DTNB: variants seen among roughly 807,000 people sequenced by gnomAD.
DTNB encodes DTN-B.
In DTNB, 63 loss-of-function variants were observed where a neutral mutation model predicts 90.7. The ratio of observed to expected loss-of-function variants is 0.69; its 90% CI spans 0.57 to 0.86. The LOEUF is 0.86. Among genes scored for constraint, DTNB ranks in the 40% least tolerant of loss-of-function variants. The pLI is 0.00. For synonymous variants in DTNB, 277 were observed against 286.7 expected, an observed-to-expected ratio of 0.97 and a Z score of 0.34; for missense variants, 744 against 807.1, an observed-to-expected ratio of 0.92 and a Z score of 0.95.
chr2:25,454,290 A>G (rs773399790), intron 11 of DTNB, among the ~76,000 whole-genome samples: 6 of 152,212 alleles, frequency 3.9e-5, no homozygotes, highest in Non-Finnish European at 7.4e-5. Flanking sequence ...AGTCTTTTTC[A>G]TATGTATATT....
intron 1 of DTNB, among the ~76,000 whole-genome samples, chr2:25,667,597 T>C (rs2084776358): frequency 6.6e-6 from 1 of 152,228 alleles, no homozygotes; most frequent in African/African-American, 2.4e-5. Flanking sequence ...AGTTTAACTT[T>C]ACAGAACAGT....
chr2:25,639,669 C>T (rs1309858706), intron 2 of DTNB, among the ~76,000 whole-genome samples: 2 of 152,124 alleles, frequency 1.3e-5, no homozygotes, highest in African/African-American at 4.8e-5. Flanking sequence ...TATGTTGTCC[C>T]TCTCCATCAA....
chr2:25,614,644 A>G (rs772671415), intron 4 of DTNB, among the ~76,000 whole-genome samples: 23 of 152,260 alleles, frequency 1.5e-4, no homozygotes, highest in Non-Finnish European at 2.9e-4. Flanking sequence ...AAAAAGATTT[A>G]GAGAGATATA....
At chr2:25,384,158 T>C (rs1007338070) in intron 18 of DTNB, among the ~76,000 whole-genome samples, 2 of 152,196 alleles carry the variant, frequency 1.3e-5, no homozygotes, top group East Asian at 1.9e-4. Context: ...GCGTGCAGTG[T>C]GGGGTTGCGT....
intron 16 of DTNB, among the ~76,000 whole-genome samples, chr2:25,392,935 A>G (rs1184631034): frequency 6.6e-6 from 1 of 152,218 alleles, no homozygotes; most frequent in Non-Finnish European, 1.5e-5. Context: ...AGGGAAGGAC[A>G]TAACAAAACA....
intron 2 of DTNB, among the ~76,000 whole-genome samples, chr2:25,649,016 T>C (rs1559380907): frequency 8.1e-6 from 1 of 123,346 alleles, no homozygotes; most frequent in East Asian, 3.8e-4. Context: ...TTTTTTTTTT[T>C]TTTTTTGAGA....
intron 8 of DTNB, among the ~76,000 whole-genome samples, chr2:25,564,816 T>A (rs150811071): frequency 6.6e-6 from 1 of 152,252 alleles, no homozygotes; most frequent in African/African-American, 2.4e-5. Context: ...CATTTTCAGA[T>A]TGTTCATTGT....
intron 3 of DTNB, among the ~76,000 whole-genome samples, chr2:25,634,235 TG>T (rs1203235630): frequency 1.1e-5 from 1 of 88,594 alleles, no homozygotes; most frequent in Non-Finnish European, 2.4e-5. Flanking sequence ...GGGAGGGAGG[TG>T]GGGGGGTCAG....
chr2:25,403,796 AGTTT>A (rs746609122), intron 16 of DTNB, among the ~76,000 whole-genome samples: 4 of 152,024 alleles, frequency 2.6e-5, no homozygotes, highest in Admixed American at 1.3e-4. Context: ...GGATAAACCT[AGTTT>A]GTTTGTTTGT....
chr2:25,640,925 G>A (rs891338649), intron 2 of DTNB, among the ~76,000 whole-genome samples: 7 of 152,276 alleles, frequency 4.6e-5, no homozygotes, highest in East Asian at 1.9e-4. Context: ...AGAATGGCAC[G>A]AACCCGGGAG....
intron 10 of DTNB, among the ~76,000 whole-genome samples, chr2:25,463,458 A>G (rs188103832): frequency 3.9e-5 from 6 of 152,274 alleles, no homozygotes; most frequent in Non-Finnish European, 2.9e-5. Context: ...TCTACAGTTG[A>G]TTCTCCACGC....
At chr2:25,515,572 C>CATTTATTTATTT (rs60019416) in intron 9 of DTNB, among the ~76,000 whole-genome samples, 2 of 150,058 alleles carry the variant, frequency 1.3e-5, no homozygotes, top group Non-Finnish European at 3.0e-5. Flanking sequence ...GATATCCATG[C>CATTTATTTATTT]ATTTATTTAT....
intron 1 of DTNB, among the ~76,000 whole-genome samples, chr2:25,667,885 G>C (rs530750482): frequency 2.1e-4 from 32 of 152,246 alleles, no homozygotes; most frequent in African/African-American, 7.7e-4. Context: ...CCTTCAGTAG[G>C]TGAACGAATA....
chr2:25,419,166 G>A, intron 16 of DTNB: 1 of 370,552 alleles, frequency 2.7e-6, no homozygotes, highest in Non-Finnish European at 5.0e-6. Flanking sequence ...GGTCACCCCA[G>A]CACCCTGAAA....
At chr2:25,556,960 CA>C (rs1303411518) in intron 8 of DTNB, among the ~76,000 whole-genome samples, 1 of 152,120 alleles carries the variant, frequency 6.6e-6, no homozygotes, top group East Asian at 1.9e-4. Context: ...TAAAAGCTTT[CA>C]AAACATTACT....
At chr2:25,563,960 C>T (rs368920962) in intron 8 of DTNB, among the ~76,000 whole-genome samples, 4 of 151,954 alleles carry the variant, frequency 2.6e-5, no homozygotes, top group African/African-American at 7.3e-5. Context: ...TGCAGTGGTG[C>T]GTGCGATCTC....
At chr2:25,471,071 T>C (rs989331927) in intron 10 of DTNB, among the ~76,000 whole-genome samples, 1 of 152,172 alleles carries the variant, frequency 6.6e-6, no homozygotes, top group Non-Finnish European at 1.5e-5. Context: ...ATCAACTCTG[T>C]TTAGGGGAAA....
At chr2:25,585,962 A>C (rs2062321621) in intron 6 of DTNB, among the ~76,000 whole-genome samples, 1 of 152,214 alleles carries the variant, frequency 6.6e-6, no homozygotes, top group Non-Finnish European at 1.5e-5. Context: ...ATTTATAATG[A>C]CAAAATAATA....
chr2:25,506,358 G>GT (rs949969687), intron 9 of DTNB, among the ~76,000 whole-genome samples: 121 of 149,240 alleles, frequency 8.1e-4, no homozygotes, highest in African/African-American at 1.5e-3. Flanking sequence ...ATACCGAGTT[G>GT]TTTTTTTTTT....
Sources: allele counts gnomAD v4.1 joint callset (sites outside exome capture counted in the v4.1 genomes callset), GRCh38; gene constraint gnomAD v4.1.1; transcripts MANE v1.5; gene names NCBI Gene and HGNC (gene_info 2026-07-23, HGNC 2026-07-21).